Variants in ARHGAP35 observed in about 807,000 individuals in gnomAD.
ARHGAP35 encodes the protein rho GTPase-activating protein 35.
ARHGAP35 carries 15 observed loss-of-function variants against 111.1 expected under a neutral mutation model. That is an observed-to-expected ratio of 0.13 (90% CI 0.09 to 0.21). ARHGAP35 has a LOEUF of 0.21. Ranked by LOEUF, ARHGAP35 falls within the 10% of genes least tolerant of loss-of-function variation. ARHGAP35 has a pLI of 1.00. For synonymous variants in ARHGAP35, 643 were observed against 710.3 expected, an observed-to-expected ratio of 0.91 and a Z score of 1.51; for missense variants, 1,262 against 1,873.0, an observed-to-expected ratio of 0.67 and a Z score of 6.02.
chr19:46,984,212 C>G (rs1340097260), intron 3 of ARHGAP35, among the ~76,000 whole-genome samples: 1 of 152,148 alleles, frequency 6.6e-6, no homozygotes, highest in Non-Finnish European at 1.5e-5. Flanking sequence ...GAGGCTTTCT[C>G]AGATGGACTT....
At chr19:46,996,295 G>T (rs374404665) in intron 5 of ARHGAP35, among the ~76,000 whole-genome samples, 2 of 152,198 alleles carry the variant, frequency 1.3e-5, no homozygotes, top group African/African-American at 2.4e-5. Context: ...GTAGAGATGG[G>T]GTTTGGCATG....
At chr19:46,862,244 A>G (rs965011182) in intron 1 of ARHGAP35, among the ~76,000 whole-genome samples, 4 of 151,976 alleles carry the variant, frequency 2.6e-5, no homozygotes, top group African/African-American at 4.8e-5. Flanking sequence ...CATTTCTGCT[A>G]TTCACTTAAA....
chr19:46,973,677 C>T (rs550501114), intron 3 of ARHGAP35, among the ~76,000 whole-genome samples: 6 of 150,658 alleles, frequency 4.0e-5, no homozygotes, highest in East Asian at 2.0e-4. Flanking sequence ...GGCAACAGAG[C>T]GAGACTCCAT....
intron 3 of ARHGAP35, among the ~76,000 whole-genome samples, chr19:46,968,071 A>G (rs1425915625): frequency 6.6e-6 from 1 of 152,202 alleles, no homozygotes; most frequent in East Asian, 1.9e-4. Context: ...CCTCCAAGCC[A>G]AGCATACAGG....
Position 46,921,359 on chromosome 19 carries a change from T to C in ARHGAP35, c.2684T>C (p.Val895Ala). Residue 895 changes from valine (V) to alanine (A), a missense_variant, in exon 2 of 7, where the codon GTC becomes GCC. By Grantham distance (64) the Val-to-Ala change is moderately conservative. Coordinates refer to ENST00000672722, the MANE Select transcript of ARHGAP35 (RefSeq NM_004491.5). The surrounding 1 kb of genome is among the most constrained non-coding windows in gnomAD (Gnocchi z 4.3). ...LVALTDGAVD[V>A]LDNDLSREQL... ...GCACTCACTGATGGCGCTGTAGATG[T>C]CCTGGACAATGACTTAAGTAGGGAA... is the stretch of plus-strand genomic sequence containing the variant. The C allele has an allele frequency of 6.2e-7, 1 of 1,613,952 alleles. No individual in the cohort carries two copies. Among genetic ancestry groups the C allele is most frequent in the Non-Finnish European group, 8.5e-7 (1 of 1,179,880 alleles).
Position 47,000,099 on chromosome 19 carries a change from G to A in ARHGAP35, c.4143-232G>A, listed in dbSNP as rs1279168825. ...CCATCCACCCCCAGGGGTTTGCGGG[G>A]CTCCAGGCAGCCTTTCCGAGGTTGG... On this transcript the variant is annotated intron_variant, in intron 6 of 6. Transcript: ENST00000672722. The surrounding 1 kb of genome is among the most constrained non-coding windows in gnomAD (Gnocchi z 6.9). Among the ~76,000 whole-genome samples the A allele has an allele frequency of 6.6e-6, 1 of 152,202 alleles. No homozygotes were observed. The highest frequency in any genetic ancestry group is 6.5e-5 in the Admixed American group (1 of 15,284).
At chr19:46,962,557 T>A (rs1327505374) in intron 3 of ARHGAP35, among the ~76,000 whole-genome samples, 1 of 152,150 alleles carries the variant, frequency 6.6e-6, no homozygotes. Flanking sequence ...GGTGGGGAAG[T>A]TTCTGATGGA....
intron 2 of ARHGAP35, among the ~76,000 whole-genome samples, chr19:46,936,795 T>G (rs1038326561): frequency 1.3e-5 from 2 of 152,034 alleles, no homozygotes; most frequent in Non-Finnish European, 2.9e-5. Flanking sequence ...AGATAGAAAA[T>G]TAAAAGTAGT....
chr19:46,983,188 T>C (rs2056630540), intron 3 of ARHGAP35, among the ~76,000 whole-genome samples: 1 of 150,662 alleles, frequency 6.6e-6, no homozygotes, highest in African/African-American at 2.5e-5. Flanking sequence ...GCATGCTCAC[T>C]CTTGAGAAAT....
chr19:46,928,929 CA>C (rs397977262), intron 2 of ARHGAP35, among the ~76,000 whole-genome samples: 42 of 135,932 alleles, frequency 3.1e-4, no homozygotes, highest in South Asian at 7.0e-4. Context: ...GAGACGGTCT[CA>C]AAAAAAAAAA....
Position 46,908,664 on chromosome 19 carries a change from G to A in ARHGAP35, c.-188-9824G>A, listed in dbSNP as rs921445724. ...AGGATAAAGCTTAAGGAAGTACTTT[G>A]GCTAAAAGCGGCTCCCTTTATTCAT... is the stretch of plus-strand genomic sequence containing the variant. On this transcript the variant is annotated intron_variant, in intron 1 of 6. Coordinates refer to ENST00000672722, the MANE Select transcript of ARHGAP35 (RefSeq NM_004491.5). This position sits in a 1 kb window ranked among gnomAD's most constrained non-coding sequence, Gnocchi z 4.2. 1.3e-5 allele frequency among the ~76,000 whole-genome samples: 2 copies of A among 152,174 alleles called. No individual in the cohort carries two copies. Among genetic ancestry groups the A allele is most frequent in the African/African-American group, 4.8e-5 (2 of 41,424 alleles).
chr19:46,861,083 C>G lies in ARHGAP35; in HGVS notation c.-315C>G, dbSNP rs931668801. Among the ~76,000 whole-genome samples the G allele has an allele frequency of 6.8e-6, 1 of 147,546 alleles. No individual in the cohort carries two copies. The highest frequency in any genetic ancestry group is 2.6e-5 in the African/African-American group (1 of 38,706). On this transcript the variant is annotated 5_prime_UTR_variant, in exon 1 of 7. Coordinates refer to ENST00000672722, the MANE Select transcript of ARHGAP35 (RefSeq NM_004491.5). ...CGCGAGGGAGGGTCCGCCCGGCCCC[C>G]CGCCGCCGGAGCCGCCGCCGCCGCC... is the stretch of plus-strand genomic sequence containing the variant.
chr19:46,989,965 C>T lies in ARHGAP35; in HGVS notation c.4036+290C>T, dbSNP rs1025914195. ...CAGACTTGGCTCCTTCGCTTGTGGC[C>T]GACTTAACCTTCCCTGCCCCTTGTG... On this transcript the variant is annotated intron_variant, in intron 5 of 6. Coordinates refer to ENST00000672722, the MANE Select transcript of ARHGAP35 (RefSeq NM_004491.5). The surrounding 1 kb of genome is among the most constrained non-coding windows in gnomAD (Gnocchi z 5.3). 4.6e-5 allele frequency among the ~76,000 whole-genome samples: 7 copies of T among 152,158 alleles called. No individual in the cohort carries two copies. The highest frequency in any genetic ancestry group is 8.8e-5 in the Non-Finnish European group (6 of 68,030).
At chr19:46,979,002 CGT>C (rs368983726) in intron 3 of ARHGAP35, among the ~76,000 whole-genome samples, 891 of 39,956 alleles carry the variant, frequency 0.022, 7 homozygotes, top group South Asian at 0.028. Flanking sequence ...TGTGGTGGGA[CGT>C]GTGTGTGTGT....
Position 46,921,309 on chromosome 19 carries a change from G to A in ARHGAP35, c.2634G>A (p.Gln878=), listed in dbSNP as rs1365685072. The stretch of plus-strand genomic sequence containing the variant: ...TACGTGCCTTTCTTTGTGAAGTGCA[G>A]GATATTATCCCTATTCAGCTTGTAG... ...AMLRAFLCEV[Q]DIIPIQLVAL... Residue 878 remains glutamine (Q), a synonymous_variant, in exon 2 of 7, where the codon CAG becomes CAA. Coordinates refer to ENST00000672722, the MANE Select transcript of ARHGAP35 (RefSeq NM_004491.5). The surrounding 1 kb of genome is among the most constrained non-coding windows in gnomAD (Gnocchi z 4.3). The A allele has an allele frequency of 2.5e-6, 4 of 1,613,946 alleles. No homozygotes were observed. The highest frequency in any genetic ancestry group is 2.2e-5 in the East Asian group (1 of 44,890).
Position 46,978,290 on chromosome 19 carries a change from G to GGCGTC in ARHGAP35, c.3827-9699_3827-9698insGCGTC, listed in dbSNP as rs1270602059. Among the ~76,000 whole-genome samples, 32 of 152,342 alleles carry GGCGTC rather than the reference G, an allele frequency of 2.1e-4. 1 individual carries two copies. Among genetic ancestry groups the GGCGTC allele is most frequent in the South Asian group, 1.0e-3 (5 of 4,828 alleles). On this transcript the variant is annotated intron_variant, in intron 3 of 6. Coordinates refer to ENST00000672722, the MANE Select transcript of ARHGAP35 (RefSeq NM_004491.5). ...CCAGGAAAGGAAGGGACACTGGGCT[G>GGCGTC]TGATTGGTGACATGTTTGCCTCCTT...
At chr19:46,915,241 A>T (rs2122186771) in intron 1 of ARHGAP35, among the ~76,000 whole-genome samples, 1 of 152,330 alleles carries the variant, frequency 6.6e-6, no homozygotes, top group Non-Finnish European at 1.5e-5. Context: ...AGAAAAGTAG[A>T]GGATGCGAAA....
intron 1 of ARHGAP35, among the ~76,000 whole-genome samples, chr19:46,867,776 GTTT>G (rs910553283): frequency 2.0e-5 from 3 of 146,342 alleles, no homozygotes; most frequent in African/African-American, 7.5e-5. Flanking sequence ...TGTTGTTGTT[GTTT>G]TTTTTTTGGA....
intron 1 of ARHGAP35, among the ~76,000 whole-genome samples, chr19:46,875,802 C>G (rs989733385): frequency 1.3e-5 from 2 of 152,120 alleles, no homozygotes; most frequent in Non-Finnish European, 2.9e-5. Flanking sequence ...AATTTTGGAT[C>G]AGTGGAGTGG....
Sources: gnomAD v4.1 joint callset for allele counts (sites outside exome capture counted in the v4.1 genomes callset) on GRCh38, gnomAD v4.1.1 for gene constraint, Gnocchi (gnomAD v3.1) non-coding constraint, MANE v1.5 for transcripts, NCBI Gene and HGNC (gene_info 2026-07-23, HGNC 2026-07-21) for gene names.